The following TNFAIP8 variants were observed in gnomAD, a reference collection of about 807,000 sequenced individuals.
TNFAIP8 encodes the protein tumor necrosis factor alpha-induced protein 8.
A neutral mutation model predicts 13.3 loss-of-function variants in TNFAIP8; 7 were observed. The ratio of observed to expected loss-of-function variants is 0.52; its 90% CI spans 0.30 to 0.99. The LOEUF (loss-of-function observed/expected upper bound fraction) is 0.99. Ranked by LOEUF, TNFAIP8 falls within the 50% of genes least tolerant of loss-of-function variation. TNFAIP8 has a pLI of 0.07. For missense variants in TNFAIP8, 258 were observed against 236.9 expected, an observed-to-expected ratio of 1.09 and a Z score of -0.58; for synonymous variants, 94 against 87.6, an observed-to-expected ratio of 1.07 and a Z score of -0.41.
At chr5:119,269,854 A>G (rs770687979) in intron 1 of TNFAIP8, among the ~76,000 whole-genome samples, 3 of 152,168 alleles carry the variant, frequency 2.0e-5, no homozygotes, top group Non-Finnish European at 4.4e-5. Flanking sequence ...CTACATTTAA[A>G]AAGTTAATTG....
At chr5:119,308,335 C>G (rs1749627781) in intron 1 of TNFAIP8, among the ~76,000 whole-genome samples, 1 of 151,046 alleles carries the variant, frequency 6.6e-6, no homozygotes, top group Non-Finnish European at 1.5e-5. Context: ...ATCTGTTTCT[C>G]TCTTTCTGTT....
In TNFAIP8 at chr5:119,269,776, C is replaced by G. The variant is rs541399634; in HGVS notation, c.1+869C>G. Among the ~76,000 whole-genome samples the G allele has an allele frequency of 4.6e-5, 7 of 152,270 alleles. No individual in the cohort carries two copies. In the South Asian group the frequency reaches 1.5e-3, roughly 32 times the overall value. On this transcript the variant is annotated intron_variant, in intron 1 of 1. Transcript: ENST00000274456. ...CTTGGATTGCTTAAGACTGATAATT[C>G]CATCCCTACATAATTATTTTTATGG...
chr5:119,327,049 G>C (rs1750246104), intron 1 of TNFAIP8, among the ~76,000 whole-genome samples: 1 of 152,120 alleles, frequency 6.6e-6, no homozygotes, highest in African/African-American at 2.4e-5. Flanking sequence ...TAGGGGCTCG[G>C]GCTCCCATGG....
At chr5:119,281,120 A>C (rs1421458514) in intron 1 of TNFAIP8, among the ~76,000 whole-genome samples, 2 of 152,014 alleles carry the variant, frequency 1.3e-5, no homozygotes, top group African/African-American at 4.8e-5. Flanking sequence ...TGTCTTGTAC[A>C]TTTCTTGCCT....
intron 1 of TNFAIP8, chr5:119,391,561 A>T (rs560794023): frequency 3.0e-4 from 175 of 588,484 alleles, no homozygotes; most frequent in African/African-American, 2.6e-3. Flanking sequence ...GGAGTTCGAG[A>T]CCAGCCTGGC....
chr5:119,317,597 AATT>A (rs769259324), intron 1 of TNFAIP8, among the ~76,000 whole-genome samples: 15 of 148,110 alleles, frequency 1.0e-4, no homozygotes, highest in South Asian at 6.3e-4. Context: ...TAATAATAAT[AATT>A]ATTATTATTA....
At chr5:119,285,225 A>T (rs949750040) in intron 1 of TNFAIP8, among the ~76,000 whole-genome samples, 1 of 152,196 alleles carries the variant, frequency 6.6e-6, no homozygotes, top group Non-Finnish European at 1.5e-5. Flanking sequence ...CCTCTGGGCC[A>T]TAATTGGTAT....
At chr5:119,338,819 A>C (rs891666401) in intron 1 of TNFAIP8, among the ~76,000 whole-genome samples, 2 of 152,212 alleles carry the variant, frequency 1.3e-5, no homozygotes, top group African/African-American at 2.4e-5. Context: ...TTAGCAGTTC[A>C]GTGATGTCAA....
chr5:119,350,790 A>G (rs1048538491), intron 1 of TNFAIP8, among the ~76,000 whole-genome samples: 1 of 152,044 alleles, frequency 6.6e-6, no homozygotes, highest in Admixed American at 6.6e-5. Flanking sequence ...CATAACTTCA[A>G]ACTCCCAGGA....
At chr5:119,295,102 A>T (rs895825674) in intron 1 of TNFAIP8, among the ~76,000 whole-genome samples, 1 of 151,900 alleles carries the variant, frequency 6.6e-6, no homozygotes, top group Non-Finnish European at 1.5e-5. Flanking sequence ...TGTTTTAGAC[A>T]TGAAGTCCTT....
intron 1 of TNFAIP8, among the ~76,000 whole-genome samples, chr5:119,375,991 A>T (rs190621244): frequency 1.3e-5 from 2 of 152,324 alleles, no homozygotes; most frequent in African/African-American, 4.8e-5. Context: ...GCCAGTTCCA[A>T]ATGTTATCAG....
chr5:119,303,116 GAGCCTGGTTTCCCCACAGATTCC>G (rs1343891615), intron 1 of TNFAIP8, among the ~76,000 whole-genome samples: 1 of 152,142 alleles, frequency 6.6e-6, no homozygotes, highest in African/African-American at 2.4e-5. Flanking sequence ...GAGGAAACCA[GAGCCTGGTTTCCCCACAGATTCC>G]TTTAGGGGAG....
chr5:119,389,726 G>C (rs1752822612), intron 1 of TNFAIP8, among the ~76,000 whole-genome samples: 1 of 152,134 alleles, frequency 6.6e-6, no homozygotes, highest in Admixed American at 6.5e-5. Context: ...GGAACAAGGA[G>C]CTTCAACCTC....
intron 1 of TNFAIP8, among the ~76,000 whole-genome samples, chr5:119,323,079 A>G (rs966770025): frequency 1.3e-5 from 2 of 152,096 alleles, no homozygotes; most frequent in African/African-American, 2.4e-5. Flanking sequence ...TGTACACTCT[A>G]TATACTGCCT....
At chr5:119,339,154 C>T (rs144038647) in intron 1 of TNFAIP8, among the ~76,000 whole-genome samples, 1 of 152,300 alleles carries the variant, frequency 6.6e-6, no homozygotes, top group African/African-American at 2.4e-5. Context: ...GACTTCATAT[C>T]CACCATACAC....
At chr5:119,379,968 G>C (rs1318453504) in intron 1 of TNFAIP8, among the ~76,000 whole-genome samples, 1 of 152,206 alleles carries the variant, frequency 6.6e-6, no homozygotes, top group African/African-American at 2.4e-5. Flanking sequence ...GGATTCTGCA[G>C]CTGGCAAGCA....
In TNFAIP8 at chr5:119,396,252, A is replaced by G. The variant is rs1268559094; in HGVS notation, c.*2871A>G. 2 of 152,234 alleles carry G rather than the reference A, an allele frequency of 1.3e-5. No homozygotes were observed. Among genetic ancestry groups the G allele is most frequent in the Non-Finnish European group, 1.5e-5 (1 of 68,042 alleles). The allele number at this position is 152,234 out of a possible 1,614,324, so 9.4% of individuals were successfully genotyped here. A position where few individuals can be genotyped will look rare whatever the true frequency, so the allele number is the denominator to read the frequency against. ...CTGAAATGGTTCCTCATATAGTGACATTTTAGGCAGTACCTAAGTCAGCAC... is the reference window on the plus strand; with the variant it reads ...CTGAAATGGTTCCTCATATAGTGACGTTTTAGGCAGTACCTAAGTCAGCAC... On this transcript the variant is annotated 3_prime_UTR_variant, in exon 2 of 2. Coordinates refer to ENST00000504771, the MANE Select transcript of TNFAIP8 (RefSeq NM_014350.4).
intron 1 of TNFAIP8, 83 bp downstream of exon 1, chr5:119,356,204 T>C: frequency 7.8e-7 from 1 of 1,288,988 alleles, no homozygotes; most frequent in Non-Finnish European, 1.1e-6. Flanking sequence ...GGATGGGAGT[T>C]TTAAAGTGAG....
chr5:119,327,793 G>A (rs963865928), intron 1 of TNFAIP8, among the ~76,000 whole-genome samples: 9 of 152,158 alleles, frequency 5.9e-5, no homozygotes, highest in Admixed American at 2.6e-4. Context: ...CCCTAGGAAG[G>A]AGGTTATTAT....
Sources: allele counts gnomAD v4.1 joint callset (sites outside exome capture counted in the v4.1 genomes callset), GRCh38; gene constraint gnomAD v4.1.1; transcripts MANE v1.5; gene names NCBI Gene and HGNC (gene_info 2026-07-23, HGNC 2026-07-21).